PCDHA6: variants seen among roughly 807,000 people sequenced by gnomAD.
PCDHA6 encodes the protein protocadherin alpha-6.
Under a neutral mutation model 60.3 loss-of-function variants are expected in PCDHA6, and 55 were observed. That is an observed-to-expected ratio of 0.91 (90% confidence interval 0.73 to 1.14). The LOEUF (loss-of-function observed/expected upper bound fraction) is 1.14, where lower values mean the gene tolerates loss of function less well. PCDHA6 is among the 50% of genes most tolerant of loss of function. The probability of loss-of-function intolerance (pLI) is 0.00; values close to 1 mark genes in which losing one functional copy is unlikely to be tolerated. For missense variants in PCDHA6, 1,327 were observed against 1,256.5 expected, an observed-to-expected ratio of 1.06 and a Z score of -0.85; for synonymous variants, 652 against 557.9, an observed-to-expected ratio of 1.17 and a Z score of -2.38.
At chr5:140,944,694 T>C (rs2093685448) in intron 1 of PCDHA6, among the ~76,000 whole-genome samples, 1 of 152,190 alleles carries the variant, frequency 6.6e-6, no homozygotes, top group African/African-American at 2.4e-5. Context: ...TTAATAACAG[T>C]AATTATCAGG....
intron 1 of PCDHA6, among the ~76,000 whole-genome samples, chr5:140,907,186 C>A (rs782137829): frequency 1.3e-4 from 20 of 152,186 alleles, no homozygotes; most frequent in Non-Finnish European, 2.5e-4. Context: ...AGAGCATACA[C>A]AACCTTCTGG....
chr5:140,829,744 G>A lies in PCDHA6; in HGVS notation c.1653G>A (p.Leu551=), dbSNP rs2150173743. ...CGCCTCTGGGCAGCAACGTGACGCT[G>A]CAGGTGTTCGTGCTGGACGAGAACG... is the stretch of plus-strand genomic sequence containing the variant. The part of the protein sequence containing the change: ...GVPPLGSNVT[L]QVFVLDENDN... The change falls in exon 1 of 4, where the codon CTG becomes CTA. Residue 551 remains leucine, a synonymous_variant. Transcript: ENST00000529310. 30 of 1,613,564 alleles carry A rather than the reference G, an allele frequency of 1.9e-5. No homozygotes were observed. The highest frequency in any genetic ancestry group is 1.8e-4 in the Admixed American group (11 of 59,990).
At chr5:140,930,258 ATTTCT>A (rs1398620749) in intron 1 of PCDHA6, 6 of 152,342 alleles carry the variant, frequency 3.9e-5, no homozygotes, top group African/African-American at 1.4e-4. Flanking sequence ...CTTGGATTTA[ATTTCT>A]TTTATTTTAG....
At chr5:140,882,375 C>G (rs879994353) in intron 1 of PCDHA6, 2 of 1,614,094 alleles carry the variant, frequency 1.2e-6, no homozygotes, top group Non-Finnish European at 1.7e-6. Context: ...TACTCCGTCC[C>G]CGAGGAAGCA....
intron 1 of PCDHA6, among the ~76,000 whole-genome samples, chr5:140,935,722 G>A (rs1230672751): frequency 6.6e-6 from 1 of 152,006 alleles, no homozygotes; most frequent in Non-Finnish European, 1.5e-5. Context: ...TATATTTAGA[G>A]AAGTCTAGTA....
chr5:140,898,114 G>A (rs367767804), intron 1 of PCDHA6, among the ~76,000 whole-genome samples: 18 of 151,862 alleles, frequency 1.2e-4, no homozygotes, highest in Non-Finnish European at 2.4e-4. Context: ...AGTAGGTTGC[G>A]AAAATTTTCT....
intron 1 of PCDHA6, among the ~76,000 whole-genome samples, chr5:140,905,599 G>A (rs782355615): frequency 2.0e-5 from 3 of 152,096 alleles, no homozygotes; most frequent in Non-Finnish European, 2.9e-5. Context: ...GCTGGGAATT[G>A]CATTGAATCT....
intron 1 of PCDHA6, chr5:140,850,847 G>A: frequency 6.3e-7 from 1 of 1,596,668 alleles, no homozygotes; most frequent in South Asian, 1.1e-5. Context: ...GATCTACAGA[G>A]CGAACGGGAG....
In PCDHA6 at chr5:140,883,730, G is replaced by A. The variant is rs140457638; in HGVS notation, c.2394+53245G>A. On this transcript the variant is annotated intron_variant, in intron 1 of 3. Transcript: ENST00000529310. ...TCAGGACGCGGACGCACAGGAGAAC[G>A]CGCTGGTCTCCTACTCGCTGGTGGA... The A allele has an allele frequency of 3.7e-6, 6 of 1,613,412 alleles. No individual in the cohort carries two copies. In the African/African-American group the frequency reaches 6.7e-5, roughly 18 times the overall value.
At chr5:140,982,241 T>G in intron 2 of PCDHA6, 1 of 696,668 alleles carries the variant, frequency 1.4e-6, no homozygotes, top group South Asian at 3.3e-5. Context: ...AGAATTGCCA[T>G]AAAGATAGAA....
At chr5:140,918,766 C>T (rs1387250517) in intron 1 of PCDHA6, among the ~76,000 whole-genome samples, 2 of 152,170 alleles carry the variant, frequency 1.3e-5, no homozygotes, top group Non-Finnish European at 2.9e-5. Flanking sequence ...GGTGCCTTGC[C>T]TCTTTCACCA....
At chr5:140,886,339 C>T (rs181002773) in intron 1 of PCDHA6, among the ~76,000 whole-genome samples, 87 of 151,982 alleles carry the variant, frequency 5.7e-4, no homozygotes, top group Non-Finnish European at 1.2e-3. Flanking sequence ...ATGTGCAGAA[C>T]GTGCAGGTTT....
chr5:141,009,739 C>A lies in PCDHA6; in HGVS notation c.2655C>A (p.Pro885=), dbSNP rs370989006. Residue 885 remains proline, a synonymous_variant, in exon 4 of 4, where the codon CCC becomes CCA. Transcript: ENST00000529310. ...AACAATCCGGTCCCGGTGAGTTGCC[C>A]GACAAATTCATTATCCCAGGATCTC... ...NPKQSGPGEL[P]DKFIIPGSPA... 2 of 1,614,010 alleles carry A rather than the reference C, an allele frequency of 1.2e-6. No homozygotes were observed. Among genetic ancestry groups the A allele is most frequent in the Non-Finnish European group, 1.7e-6 (2 of 1,180,008 alleles).
rs1274541359 is a variant in PCDHA6 at position 140,852,032 on chromosome 5, G to C, written c.2394+21547G>C. 7.5e-6 allele frequency: 7 copies of C among 936,644 alleles called. No homozygotes were observed. The African/African-American group carries it at 1.1e-4, about 14-fold the overall frequency. 58.0% of individuals were successfully genotyped at this position (936,644 alleles called of 1,614,324 possible). On this transcript the variant is annotated intron_variant, in intron 1 of 3. Transcript: ENST00000529310. ...TATAGTTTTAAAAACTTCGCTTATT[G>C]AGTTTTTGTTATGTGGTTTATATTT... is the stretch of plus-strand genomic sequence containing the variant.
chr5:140,936,820 T>C (rs2091164037), intron 1 of PCDHA6, among the ~76,000 whole-genome samples: 1 of 152,236 alleles, frequency 6.6e-6, no homozygotes, highest in Non-Finnish European at 1.5e-5. Flanking sequence ...TTTTTGGCCC[T>C]TTGCATTTCT....
chr5:140,871,280 C>A, intron 1 of PCDHA6: 1 of 1,613,916 alleles, frequency 6.2e-7, no homozygotes, highest in Non-Finnish European at 8.5e-7. Context: ...TCGGCAACGC[C>A]CACTGAGGGC....
intron 1 of PCDHA6, among the ~76,000 whole-genome samples, chr5:140,956,861 A>T (rs2095316106): frequency 6.6e-6 from 1 of 152,194 alleles, no homozygotes; most frequent in Non-Finnish European, 1.5e-5. Flanking sequence ...TGGTTGAATG[A>T]ATGTGTGAAA....
intron 1 of PCDHA6, among the ~76,000 whole-genome samples, chr5:140,977,826 T>C (rs1554238818): frequency 1.3e-5 from 2 of 152,208 alleles, no homozygotes; most frequent in Admixed American, 6.5e-5. Flanking sequence ...TTTTGAATGG[T>C]CTATTGATAT....
At chr5:141,000,589 A>G (rs1234300694) in intron 3 of PCDHA6, among the ~76,000 whole-genome samples, 3 of 150,422 alleles carry the variant, frequency 2.0e-5, no homozygotes, top group Admixed American at 2.0e-4. Context: ...CACCATGCCC[A>G]GCTAATTTTT....
Sources: allele counts gnomAD v4.1 joint callset (sites outside exome capture counted in the v4.1 genomes callset), GRCh38; gene constraint gnomAD v4.1.1; transcripts MANE v1.5; gene names NCBI Gene and HGNC (gene_info 2026-07-23, HGNC 2026-07-21).